Variants in VAV3 observed in about 807,000 individuals in gnomAD.
The protein encoded by VAV3 is guanine nucleotide exchange factor VAV3.
A neutral mutation model predicts 131.2 loss-of-function variants in VAV3; 94 were observed. That is an observed-to-expected ratio of 0.72 (90% CI 0.61 to 0.85). VAV3 has a LOEUF of 0.85. Ranked by LOEUF, VAV3 falls within the 40% of genes least tolerant of loss-of-function variation. The probability of loss-of-function intolerance (pLI) is 0.00; values close to 1 mark genes in which losing one functional copy is unlikely to be tolerated. For missense variants in VAV3, 939 were observed against 1,002.7 expected, an observed-to-expected ratio of 0.94 and a Z score of 0.86; for synonymous variants, 349 against 342.0, an observed-to-expected ratio of 1.02 and a Z score of -0.22.
chr1:107,877,148 A>G (rs1358167904), intron 1 of VAV3, among the ~76,000 whole-genome samples: 3 of 152,232 alleles, frequency 2.0e-5, no homozygotes, highest in Non-Finnish European at 4.4e-5. Context: ...GCAGGTAATC[A>G]GCACATGCAG....
Position 107,652,117 on chromosome 1 carries a change from A to G in VAV3, c.1778-9362T>C, listed in dbSNP as rs373004339. 5.3e-5 allele frequency among the ~76,000 whole-genome samples: 8 copies of G among 152,178 alleles called. No individual in the cohort carries two copies. The South Asian group carries it at 1.7e-3, about 31-fold the overall frequency. On this transcript the variant is annotated intron_variant, in intron 19 of 26. Transcript: ENST00000370056. Reference sequence around the variant, plus strand: ...TCACAGGATACGCTAGGAGGTCAGCACAAGATACAGGTCATAAAGACCTTG... The same window carrying G: ...TCACAGGATACGCTAGGAGGTCAGCGCAAGATACAGGTCATAAAGACCTTG...
chr1:107,573,960 G>A lies in VAV3; in HGVS notation c.2502+87C>T, dbSNP rs2820136. 4.1e-3 allele frequency: 6,429 copies of A among 1,551,286 alleles called. 137 individuals are homozygous for A. In the African/African-American group the frequency reaches 0.055, roughly 13 times the overall value. On this transcript the variant is annotated intron_variant, in intron 26 of 26. Transcript: ENST00000370056. ...GCTGAAAGCTGTAATACAGTATAGA[G>A]GCTTCTCCCTGGTGCCACAATGGGT...
At chr1:107,821,121 G>A (rs942749306) in intron 2 of VAV3, among the ~76,000 whole-genome samples, 1 of 152,118 alleles carries the variant, frequency 6.6e-6, no homozygotes, top group Admixed American at 6.6e-5. Context: ...TACTAATCTT[G>A]TTATTCAAGT....
intron 2 of VAV3, among the ~76,000 whole-genome samples, chr1:107,850,364 A>C (rs920363043): frequency 2.0e-5 from 3 of 152,228 alleles, no homozygotes; most frequent in Non-Finnish European, 4.4e-5. Flanking sequence ...AATGTGGCAC[A>C]TATACACCAT....
At chr1:107,706,935 G>A (rs1428155581) in intron 15 of VAV3, among the ~76,000 whole-genome samples, 2 of 152,156 alleles carry the variant, frequency 1.3e-5, no homozygotes, top group Non-Finnish European at 2.9e-5. Context: ...AACATCCACA[G>A]GCACACACAT....
chr1:107,642,847 A>G, intron 19 of VAV3, 92 bp from the exon 20 acceptor site: 1 of 1,542,962 alleles, frequency 6.5e-7, no homozygotes, highest in Middle Eastern at 2.0e-4. Context: ...ATTAACATTA[A>G]AAAGTGTTAA....
chr1:107,768,213 T>C (rs963320284), intron 7 of VAV3, among the ~76,000 whole-genome samples: 2 of 152,238 alleles, frequency 1.3e-5, no homozygotes, highest in African/African-American at 4.8e-5. Flanking sequence ...AAGTTATTTT[T>C]CCATTTGTGT....
intron 19 of VAV3, among the ~76,000 whole-genome samples, chr1:107,665,571 C>T (rs563548723): frequency 6.6e-6 from 1 of 152,256 alleles, no homozygotes; most frequent in South Asian, 2.1e-4. Flanking sequence ...ATCAGTCTAG[C>T]AAGGGAGATA....
At chr1:107,713,661 C>T (rs1425107376) in intron 15 of VAV3, among the ~76,000 whole-genome samples, 1 of 152,122 alleles carries the variant, frequency 6.6e-6, no homozygotes, top group Non-Finnish European at 1.5e-5. Context: ...AAAAGATACA[C>T]TGAAGGGTTT....
At chr1:107,824,145 C>T (rs1163377238) in intron 2 of VAV3, among the ~76,000 whole-genome samples, 2 of 151,998 alleles carry the variant, frequency 1.3e-5, no homozygotes. Context: ...TCCCAGTATA[C>T]AGAATATAAA....
chr1:107,920,973 T>G (rs1672870603), intron 1 of VAV3, among the ~76,000 whole-genome samples: 1 of 152,236 alleles, frequency 6.6e-6, no homozygotes, highest in Non-Finnish European at 1.5e-5. Context: ...ATTAGTATTT[T>G]AATTAATATT....
intron 19 of VAV3, among the ~76,000 whole-genome samples, chr1:107,678,389 T>G (rs1166828946): frequency 6.6e-6 from 1 of 152,318 alleles, no homozygotes; most frequent in African/African-American, 2.4e-5. Context: ...TTCTAATCTA[T>G]AGAAACTTTA....
chr1:107,656,685 T>C (rs187607202), intron 19 of VAV3, among the ~76,000 whole-genome samples: 4 of 152,156 alleles, frequency 2.6e-5, no homozygotes, highest in African/African-American at 9.6e-5. Flanking sequence ...ACTATATCAG[T>C]GTATCAAATT....
intron 2 of VAV3, among the ~76,000 whole-genome samples, chr1:107,801,105 A>G (rs1485534640): frequency 6.6e-6 from 1 of 151,772 alleles, no homozygotes; most frequent in Non-Finnish European, 1.5e-5. Context: ...CTTGGAGCCT[A>G]TGTCTAACAT....
intron 20 of VAV3, among the ~76,000 whole-genome samples, chr1:107,627,262 G>T (rs1477184550): frequency 6.6e-6 from 1 of 152,008 alleles, no homozygotes; most frequent in Non-Finnish European, 1.5e-5. Context: ...GGTATCCTGG[G>T]TCTTCCTCAA....
At chr1:107,782,696 T>A (rs146586778) in intron 2 of VAV3, among the ~76,000 whole-genome samples, 7 of 152,314 alleles carry the variant, frequency 4.6e-5, no homozygotes, top group Non-Finnish European at 7.4e-5. Context: ...ATAAAGACTG[T>A]TTAGTCAATG....
At chr1:107,669,244 A>G in intron 19 of VAV3, 3 of 1,232,448 alleles carry the variant, frequency 2.4e-6, no homozygotes, top group Non-Finnish European at 2.1e-6. Flanking sequence ...AATCCTTACT[A>G]AGTGTCCATA....
chr1:107,826,649 C>G (rs139483020), intron 2 of VAV3, among the ~76,000 whole-genome samples: 1 of 152,256 alleles, frequency 6.6e-6, no homozygotes, highest in East Asian at 1.9e-4. Context: ...AAGGGCTATT[C>G]CAGGCACTTA....
chr1:107,731,203 G>C (rs17019845), intron 15 of VAV3, among the ~76,000 whole-genome samples: 13,443 of 152,166 alleles, frequency 0.088, 845 homozygotes, highest in East Asian at 0.25. Context: ...AATTCAATCA[G>C]AAGTCTCCAA....
Sources: allele counts gnomAD v4.1 joint callset (sites outside exome capture counted in the v4.1 genomes callset), GRCh38; gene constraint gnomAD v4.1.1; transcripts MANE v1.5; gene names NCBI Gene and HGNC (gene_info 2026-07-23, HGNC 2026-07-21).